Variants in CNTN4 observed in about 807,000 individuals in gnomAD.
CNTN4 encodes contactin-4.
A neutral mutation model predicts 122.5 loss-of-function variants in CNTN4; 77 were observed. The observed-to-expected ratio is 0.63, with a 90% CI of 0.52 to 0.76. CNTN4 has a LOEUF of 0.76. CNTN4 is among the 30% of genes least tolerant of loss of function. CNTN4 has a pLI of 0.00. For missense variants in CNTN4, 1,256 were observed against 1,259.1 expected, an observed-to-expected ratio of 1.00 and a Z score of 0.04; for synonymous variants, 512 against 447.0, an observed-to-expected ratio of 1.15 and a Z score of -1.83.
chr3:2,907,497 C>T (rs11707313), intron 12 of CNTN4, among the ~76,000 whole-genome samples: 78,931 of 151,396 alleles, frequency 0.52, 20,620 homozygotes, highest in East Asian at 0.65. Context: ...CACTTGAACC[C>T]GGGAGGCAAA....
chr3:2,233,645 C>T (rs1407593466), intron 2 of CNTN4, among the ~76,000 whole-genome samples: 2 of 152,016 alleles, frequency 1.3e-5, no homozygotes, highest in Non-Finnish European at 2.9e-5. Flanking sequence ...TCAGTGTCCA[C>T]CCCCTCACCC....
intron 6 of CNTN4, among the ~76,000 whole-genome samples, chr3:2,802,077 T>G (rs1516397): frequency 0.29 from 44,790 of 152,162 alleles, 7,157 homozygotes; most frequent in East Asian, 0.66. Flanking sequence ...ATTATCATTT[T>G]AAATTATTAT....
At chr3:2,865,924 G>C (rs1438551769) in intron 7 of CNTN4, among the ~76,000 whole-genome samples, 2 of 152,202 alleles carry the variant, frequency 1.3e-5, no homozygotes, top group East Asian at 1.9e-4. Flanking sequence ...ATGGGATAAG[G>C]GTGTGTGAAA....
chr3:2,475,035 T>C (rs1470214029), intron 3 of CNTN4, among the ~76,000 whole-genome samples: 2 of 152,192 alleles, frequency 1.3e-5, no homozygotes, highest in Non-Finnish European at 1.5e-5. Context: ...AAGGAGGTAT[T>C]TTACCTTAAG....
chr3:2,318,626 G>T (rs989101861), intron 2 of CNTN4, among the ~76,000 whole-genome samples: 2 of 151,864 alleles, frequency 1.3e-5, no homozygotes, highest in Admixed American at 6.6e-5. Flanking sequence ...TATACGTCTG[G>T]TTTTTTTGTG....
chr3:2,423,781 G>C (rs896468030), intron 3 of CNTN4, among the ~76,000 whole-genome samples: 1 of 151,620 alleles, frequency 6.6e-6, no homozygotes, highest in African/African-American at 2.4e-5. Flanking sequence ...CCTCCTACTG[G>C]GTAGTTTTAC....
intron 12 of CNTN4, among the ~76,000 whole-genome samples, chr3:2,906,420 C>T (rs921255526): frequency 6.6e-6 from 1 of 152,016 alleles, no homozygotes; most frequent in African/African-American, 2.4e-5. Flanking sequence ...TATATAAATA[C>T]TTCAAAACAT....
intron 3 of CNTN4, among the ~76,000 whole-genome samples, chr3:2,489,030 C>T (rs2076241081): frequency 6.6e-6 from 1 of 152,100 alleles, no homozygotes; most frequent in South Asian, 2.1e-4. Context: ...GATATTTTTT[C>T]TGGCATCAAA....
chr3:2,735,615 C>CT (rs1417436010), intron 4 of CNTN4, among the ~76,000 whole-genome samples: 14 of 152,278 alleles, frequency 9.2e-5, no homozygotes, highest in South Asian at 6.2e-4. Context: ...CCATATATGG[C>CT]TTCATAAGAC....
At chr3:2,645,375 A>C (rs1009982388) in intron 4 of CNTN4, among the ~76,000 whole-genome samples, 1 of 152,216 alleles carries the variant, frequency 6.6e-6, no homozygotes, top group Non-Finnish European at 1.5e-5. Context: ...TGCACTTACA[A>C]TATAGCTTTT....
chr3:2,315,287 A>G (rs2043057114), intron 2 of CNTN4, among the ~76,000 whole-genome samples: 1 of 152,010 alleles, frequency 6.6e-6, no homozygotes, highest in Admixed American at 6.6e-5. Flanking sequence ...AATTGATTTA[A>G]CTTAGGTAAT....
At chr3:2,466,382 A>G (rs928152345) in intron 3 of CNTN4, among the ~76,000 whole-genome samples, 12 of 152,202 alleles carry the variant, frequency 7.9e-5, no homozygotes, top group African/African-American at 2.7e-4. Context: ...CTTAACTTGT[A>G]TCTTTCACCA....
chr3:2,319,716 T>C (rs932139621), intron 2 of CNTN4, among the ~76,000 whole-genome samples: 3 of 152,208 alleles, frequency 2.0e-5, no homozygotes, highest in Non-Finnish European at 4.4e-5. Flanking sequence ...GGTAAGACTT[T>C]TGGTGAATAG....
At chr3:2,741,315 T>C (rs1178922230) in intron 5 of CNTN4, among the ~76,000 whole-genome samples, 1 of 152,252 alleles carries the variant, frequency 6.6e-6, no homozygotes, top group Non-Finnish European at 1.5e-5. Context: ...CGAAGGTAGA[T>C]GTCACTGAAG....
chr3:2,697,892 A>G (rs2086134870), intron 4 of CNTN4, among the ~76,000 whole-genome samples: 1 of 152,080 alleles, frequency 6.6e-6, no homozygotes, highest in South Asian at 2.1e-4. Context: ...TCAGTCTTTT[A>G]AGACTTTAAA....
chr3:2,257,936 G>T (rs148788282), intron 2 of CNTN4, among the ~76,000 whole-genome samples: 1 of 152,042 alleles, frequency 6.6e-6, no homozygotes, highest in African/African-American at 2.4e-5. Context: ...GGTGGTGCAC[G>T]TCTGTAATCC....
intron 3 of CNTN4, among the ~76,000 whole-genome samples, chr3:2,554,069 C>G (rs2078622497): frequency 6.6e-6 from 1 of 152,074 alleles, no homozygotes; most frequent in African/African-American, 2.4e-5. Flanking sequence ...CATCACAAAC[C>G]TTGTTCAGCT....
intron 2 of CNTN4, among the ~76,000 whole-genome samples, chr3:2,132,072 G>C (rs1228098756): frequency 6.6e-6 from 1 of 152,180 alleles, no homozygotes; most frequent in East Asian, 1.9e-4. Context: ...GAGCCTTGCA[G>C]TGTCCACCTT....
At chr3:2,528,937 C>T (rs2077497108) in intron 3 of CNTN4, among the ~76,000 whole-genome samples, 1 of 152,056 alleles carries the variant, frequency 6.6e-6, no homozygotes, top group East Asian at 1.9e-4. Context: ...CAACATTCAT[C>T]ATTTCTTTGT....
Sources: allele counts gnomAD v4.1 joint callset (sites outside exome capture counted in the v4.1 genomes callset), GRCh38; gene constraint gnomAD v4.1.1; transcripts MANE v1.5; gene names NCBI Gene and HGNC (gene_info 2026-07-23, HGNC 2026-07-21).